PTPRK: variants seen among roughly 807,000 people sequenced by gnomAD.
PTPRK encodes receptor-type tyrosine-protein phosphatase kappa.
Under a neutral mutation model 178.0 loss-of-function variants are expected in PTPRK, and 75 were observed. That is an observed-to-expected ratio of 0.42 (90% CI 0.35 to 0.51). The LOEUF is 0.51. PTPRK is among the 20% of genes least tolerant of loss of function. The pLI, the probability that PTPRK is intolerant of heterozygous loss-of-function variation, is 0.02. For missense variants in PTPRK, 1,441 were observed against 1,797.8 expected, an observed-to-expected ratio of 0.80 and a Z score of 3.59; for synonymous variants, 637 against 620.6, an observed-to-expected ratio of 1.03 and a Z score of -0.39.
chr6:127,975,833 C>G (rs1228267722), intron 27 of PTPRK, among the ~76,000 whole-genome samples: 2 of 151,852 alleles, frequency 1.3e-5, no homozygotes, highest in Admixed American at 1.3e-4. Context: ...CCACCATGTC[C>G]AGCTAATTTT....
At chr6:128,316,389 A>G (rs908745424) in intron 3 of PTPRK, among the ~76,000 whole-genome samples, 3 of 152,224 alleles carry the variant, frequency 2.0e-5, no homozygotes, top group Non-Finnish European at 2.9e-5. Context: ...TCAATCAGTT[A>G]CTGAAAGGGA....
intron 7 of PTPRK, among the ~76,000 whole-genome samples, chr6:128,118,261 G>A (rs1791886373): frequency 6.6e-6 from 1 of 152,138 alleles, no homozygotes; most frequent in African/African-American, 2.4e-5. Context: ...AGGTCACCGT[G>A]GACTTACATG....
At chr6:128,386,068 C>G (rs1838672554) in intron 2 of PTPRK, among the ~76,000 whole-genome samples, 1 of 152,006 alleles carries the variant, frequency 6.6e-6, no homozygotes, top group Middle Eastern at 3.2e-3. Flanking sequence ...AATAATAAAG[C>G]TTTTTATTTA....
chr6:128,440,620 C>A (rs1344436056), intron 1 of PTPRK, among the ~76,000 whole-genome samples: 4 of 151,990 alleles, frequency 2.6e-5, no homozygotes, highest in Admixed American at 1.3e-4. Flanking sequence ...TGTATATATA[C>A]AATCAAGAAG....
chr6:128,283,821 T>G (rs1206649095), intron 3 of PTPRK, among the ~76,000 whole-genome samples: 1 of 152,188 alleles, frequency 6.6e-6, no homozygotes, highest in Non-Finnish European at 1.5e-5. Context: ...TAAGAATCTT[T>G]CTGGTATCTA....
intron 18 of PTPRK, among the ~76,000 whole-genome samples, chr6:127,994,197 G>A (rs1776898441): frequency 6.6e-6 from 1 of 151,542 alleles, no homozygotes; most frequent in Admixed American, 6.6e-5. Context: ...ACTCTAAAAT[G>A]TGAACCTAAT....
At chr6:128,017,727 C>CTA (rs1389741690) in intron 13 of PTPRK, among the ~76,000 whole-genome samples, 12 of 138,714 alleles carry the variant, frequency 8.7e-5, no homozygotes, top group Admixed American at 2.3e-4. Flanking sequence ...CTCTCTCTCT[C>CTA]TCTATATATA....
At chr6:128,122,374 T>A (rs1792621757) in intron 7 of PTPRK, among the ~76,000 whole-genome samples, 1 of 152,080 alleles carries the variant, frequency 6.6e-6, no homozygotes, top group Admixed American at 6.6e-5. Flanking sequence ...GATAGCTGGA[T>A]AACGGAGGTG....
chr6:128,231,402 T>TA (rs1186911356), intron 5 of PTPRK, among the ~76,000 whole-genome samples: 1 of 152,036 alleles, frequency 6.6e-6, no homozygotes, highest in Non-Finnish European at 1.5e-5. Context: ...AAATTAGAAT[T>TA]AAATAGCAAG....
intron 2 of PTPRK, among the ~76,000 whole-genome samples, chr6:128,338,638 C>G (rs1405415119): frequency 1.4e-5 from 2 of 147,822 alleles, no homozygotes; most frequent in African/African-American, 5.0e-5. Context: ...AGGCTAGGTC[C>G]TGTGCTTTGC....
In PTPRK at chr6:128,422,676, CAAAAAAAAAAAA is replaced by C. The variant is rs750423577; in HGVS notation, c.101-25000_101-24989del. ...AATAGTTTTTAACATTTCACGGACG[CAAAAAAAAAAAA>C]AAAAAAAAAAAAAAAACCTGAGCAT... On this transcript the variant is annotated intron_variant, in intron 1 of 29. Transcript: ENST00000368226. 1.6e-3 allele frequency among the ~76,000 whole-genome samples: 23 copies of C among 14,718 alleles called. 1 individual carries two copies. The highest frequency in any genetic ancestry group is 0.011 in the Admixed American group (9 of 792). 9.7% of individuals were successfully genotyped at this position (14,718 alleles called of 152,430 possible).
chr6:128,464,648 T>TATATATATATATATACACAC (rs1849578388), intron 1 of PTPRK, among the ~76,000 whole-genome samples: 1 of 93,976 alleles, frequency 1.1e-5, no homozygotes, highest in African/African-American at 5.2e-5. Flanking sequence ...CATATATATA[T>TATATATATATATATACACAC]ATATATATAT....
At chr6:128,019,731 C>T (rs1254654594) in intron 13 of PTPRK, among the ~76,000 whole-genome samples, 2 of 152,130 alleles carry the variant, frequency 1.3e-5, no homozygotes, top group Non-Finnish European at 2.9e-5. Context: ...CAGTTTACAT[C>T]CCTGTGTTGT....
At chr6:128,213,840 G>A (rs1284288315) in intron 6 of PTPRK, among the ~76,000 whole-genome samples, 1 of 151,974 alleles carries the variant, frequency 6.6e-6, no homozygotes, top group African/African-American at 2.4e-5. Context: ...TTTTTCAAAT[G>A]AAAAATATTT....
intron 6 of PTPRK, among the ~76,000 whole-genome samples, chr6:128,207,218 T>C (rs1460739342): frequency 6.6e-6 from 1 of 152,176 alleles, no homozygotes; most frequent in Non-Finnish European, 1.5e-5. Flanking sequence ...GACTCTCACA[T>C]TACTGCTCCT....
At position 128,015,736 on chromosome 6, in the gene PTPRK, T is replaced by C. The variant is rs550601956; in HGVS notation, c.2195-6468A>G. 2.6e-5 allele frequency among the ~76,000 whole-genome samples: 4 copies of C among 151,844 alleles called. No individual in the cohort carries two copies. In the East Asian group the frequency reaches 5.8e-4, roughly 22 times the overall value. On this transcript the variant is annotated intron_variant, in intron 13 of 29. Coordinates refer to ENST00000368226, the MANE Select transcript of PTPRK (RefSeq NM_002844.4). The stretch of plus-strand genomic sequence containing the variant: ...TAAAATCCTTTCACCATTTCTCAAA[T>C]ACTCTTTATTTTAGGAGTTGGCAAA...
At chr6:128,489,491 T>C (rs1375546032) in intron 1 of PTPRK, among the ~76,000 whole-genome samples, 2 of 152,216 alleles carry the variant, frequency 1.3e-5, no homozygotes, top group African/African-American at 2.4e-5. Context: ...TGAATCATGA[T>C]AACTAAAGTG....
chr6:127,997,607 G>A (rs779219814), intron 16 of PTPRK, among the ~76,000 whole-genome samples: 2 of 151,960 alleles, frequency 1.3e-5, no homozygotes, highest in African/African-American at 2.4e-5. Flanking sequence ...ATTTCATTTT[G>A]CAAAAGAACT....
chr6:128,331,238 C>A lies in PTPRK; in HGVS notation c.224-8928G>T, dbSNP rs181948206. On this transcript the variant is annotated intron_variant, in intron 2 of 29. Transcript: ENST00000368226. Reference sequence around the variant, plus strand: ...TTTTATAAAAAAGTCGGACAACTATCTATTTGTGTTTCCTGCCCTGCATTC... The same window carrying A: ...TTTTATAAAAAAGTCGGACAACTATATATTTGTGTTTCCTGCCCTGCATTC... Among the ~76,000 whole-genome samples the A allele has an allele frequency of 4.7e-4, 71 of 152,280 alleles. 1 individual carries two copies. The East Asian group carries it at 9.3e-3, about 20-fold the overall frequency.
Sources: allele counts gnomAD v4.1 joint callset (sites outside exome capture counted in the v4.1 genomes callset), GRCh38; gene constraint gnomAD v4.1.1; transcripts MANE v1.5; gene names NCBI Gene and HGNC (gene_info 2026-07-23, HGNC 2026-07-21).